The following KCND2 variants were observed in gnomAD, a reference collection of about 807,000 sequenced individuals.
The protein encoded by KCND2 is potassium voltage-gated channel subfamily D member 2.
KCND2 carries 16 observed loss-of-function variants against 54.4 expected under a neutral mutation model. The ratio of observed to expected loss-of-function variants is 0.29; its 90% CI spans 0.20 to 0.45. KCND2 has a LOEUF of 0.45. Among genes scored for constraint, KCND2 ranks in the 20% least tolerant of loss-of-function variants. The pLI is 1.00. For synonymous variants in KCND2, 317 were observed against 310.7 expected, an observed-to-expected ratio of 1.02 and a Z score of -0.21; for missense variants, 486 against 824.2, an observed-to-expected ratio of 0.59 and a Z score of 5.02.
At chr7:120,594,840 T>C (rs2116462699) in intron 1 of KCND2, among the ~76,000 whole-genome samples, 1 of 152,068 alleles carries the variant, frequency 6.6e-6, no homozygotes, top group Admixed American at 6.5e-5. Flanking sequence ...ACCAACATGG[T>C]GAAACCCCGT....
intron 1 of KCND2, among the ~76,000 whole-genome samples, chr7:120,604,504 AAATAACAATAATAATAATAATAAT>A (rs1178871249): frequency 3.9e-4 from 32 of 82,692 alleles, no homozygotes; most frequent in African/African-American, 1.3e-3. Flanking sequence ...CTCCATCTAA[AAATAACAATAATAATAATAATAAT>A]AATAATAATA....
Position 120,409,394 on chromosome 7 carries a change from C to A in KCND2, c.1115+133647C>A, listed in dbSNP as rs561520329. Among the ~76,000 whole-genome samples the A allele has an allele frequency of 1.7e-3, 253 of 151,970 alleles. 1 individual carries two copies. The highest frequency in any genetic ancestry group is 5.5e-3 in the African/African-American group (228 of 41,504). Reference sequence around the variant, plus strand: ...TGATAAACATTTTTGTAGACATATTCATATTTTTCTTCATAAAATATCTGT... The same window carrying A: ...TGATAAACATTTTTGTAGACATATTAATATTTTTCTTCATAAAATATCTGT... On this transcript the variant is annotated intron_variant, in intron 1 of 5. Coordinates refer to ENST00000331113, the MANE Select transcript of KCND2 (RefSeq NM_012281.3).
intron 1 of KCND2, among the ~76,000 whole-genome samples, chr7:120,648,508 G>GGA (rs1347496569): frequency 6.6e-6 from 1 of 152,096 alleles, no homozygotes; most frequent in Non-Finnish European, 1.5e-5. Flanking sequence ...TCAACAAGAT[G>GGA]GAGAAAGATG....
intron 1 of KCND2, among the ~76,000 whole-genome samples, chr7:120,412,459 C>T (rs1801465253): frequency 6.6e-6 from 1 of 152,016 alleles, no homozygotes; most frequent in Non-Finnish European, 1.5e-5. Flanking sequence ...CAATACTTTA[C>T]TTTTGTATTT....
intron 1 of KCND2, among the ~76,000 whole-genome samples, chr7:120,564,479 A>T (rs985768840): frequency 3.9e-5 from 6 of 152,188 alleles, no homozygotes; most frequent in African/African-American, 1.4e-4. Context: ...CCCAGCAAAT[A>T]TATAAATACA....
chr7:120,584,063 C>T (rs1299171125), intron 1 of KCND2, among the ~76,000 whole-genome samples: 1 of 152,178 alleles, frequency 6.6e-6, no homozygotes, highest in Non-Finnish European at 1.5e-5. Flanking sequence ...TTAATCATAT[C>T]AGTTTTTATT....
chr7:120,534,068 A>T (rs1260737856), intron 1 of KCND2, among the ~76,000 whole-genome samples: 1 of 152,148 alleles, frequency 6.6e-6, no homozygotes, highest in African/African-American at 2.4e-5. Context: ...GTACAAATCT[A>T]CACAGGGCAT....
At chr7:120,348,205 A>G (rs890579692) in intron 1 of KCND2, among the ~76,000 whole-genome samples, 5 of 152,148 alleles carry the variant, frequency 3.3e-5, no homozygotes, top group Non-Finnish European at 5.9e-5. Flanking sequence ...AATATCATAG[A>G]TAAATCTCTT....
At chr7:120,298,863 A>T (rs1016276820) in intron 1 of KCND2, among the ~76,000 whole-genome samples, 1 of 152,188 alleles carries the variant, frequency 6.6e-6, no homozygotes, top group Non-Finnish European at 1.5e-5. Flanking sequence ...TAAGTAAAGA[A>T]ATTGAGAATG....
chr7:120,722,333 C>T (rs1792677913), intron 1 of KCND2, among the ~76,000 whole-genome samples: 1 of 152,124 alleles, frequency 6.6e-6, no homozygotes, highest in Non-Finnish European at 1.5e-5. Flanking sequence ...ATAGAACTGC[C>T]ATCAGATCAT....
At chr7:120,566,531 C>A (rs1253072735) in intron 1 of KCND2, among the ~76,000 whole-genome samples, 1 of 151,924 alleles carries the variant, frequency 6.6e-6, no homozygotes, top group African/African-American at 2.4e-5. Flanking sequence ...TTTATGGACA[C>A]AACAGGGTCT....
At chr7:120,486,704 T>G (rs1802699429) in intron 1 of KCND2, among the ~76,000 whole-genome samples, 1 of 151,744 alleles carries the variant, frequency 6.6e-6, no homozygotes, top group Admixed American at 6.6e-5. Context: ...TTTTTTTTCC[T>G]AGTTTGAATA....
At position 120,331,186 on chromosome 7, in the gene KCND2, C is replaced by T. The variant is rs1003223214; in HGVS notation, c.1115+55439C>T. Among the ~76,000 whole-genome samples, 14 of 152,132 alleles carry T rather than the reference C, an allele frequency of 9.2e-5. No individual in the cohort carries two copies. In the East Asian group the frequency reaches 1.5e-3, roughly 17 times the overall value. ...TTGTATTTTAACCATATGTTCCATTCCTTTTTCACTCTCATAATTAGAAAG... is the reference window on the plus strand; with the variant it reads ...TTGTATTTTAACCATATGTTCCATTTCTTTTTCACTCTCATAATTAGAAAG... On this transcript the variant is annotated intron_variant, in intron 1 of 5. Coordinates refer to ENST00000331113, the MANE Select transcript of KCND2 (RefSeq NM_012281.3).
At chr7:120,489,678 T>A (rs896051822) in intron 1 of KCND2, among the ~76,000 whole-genome samples, 1 of 152,152 alleles carries the variant, frequency 6.6e-6, no homozygotes, top group Admixed American at 6.6e-5. Flanking sequence ...TCACGTCCTA[T>A]CAAAAGCAGT....
At chr7:120,728,147 A>G (rs562776321) in intron 1 of KCND2, among the ~76,000 whole-genome samples, 1 of 150,690 alleles carries the variant, frequency 6.6e-6, no homozygotes, top group East Asian at 1.9e-4. Flanking sequence ...AAAAAAAAAA[A>G]AGAAAGAAAG....
intron 1 of KCND2, among the ~76,000 whole-genome samples, chr7:120,279,839 A>G (rs1321987417): frequency 2.6e-5 from 4 of 151,926 alleles, no homozygotes; most frequent in African/African-American, 7.2e-5. Flanking sequence ...ACATTATGTT[A>G]TAATTATATA....
At chr7:120,350,140 GT>G (rs1800381762) in intron 1 of KCND2, among the ~76,000 whole-genome samples, 1 of 152,030 alleles carries the variant, frequency 6.6e-6, no homozygotes, top group Non-Finnish European at 1.5e-5. Context: ...AATCATTCAA[GT>G]TTTTATCTGC....
rs542683527 is a variant in KCND2 at position 120,573,272 on chromosome 7, A to G, written c.1116-159631A>G. 3.9e-5 allele frequency among the ~76,000 whole-genome samples: 6 copies of G among 152,300 alleles called. 1 individual carries two copies. The South Asian group carries it at 1.2e-3, about 32-fold the overall frequency. The stretch of plus-strand genomic sequence containing the variant: ...TTTTCTTTTTTGTGTTTTATATTAT[A>G]CATTACCACAGACATTAACAATCAG... On this transcript the variant is annotated intron_variant, in intron 1 of 5. Coordinates refer to ENST00000331113, the MANE Select transcript of KCND2 (RefSeq NM_012281.3).
chr7:120,504,168 A>T (rs115763146), intron 1 of KCND2, among the ~76,000 whole-genome samples: 1 of 151,998 alleles, frequency 6.6e-6, no homozygotes, highest in Non-Finnish European at 1.5e-5. Context: ...GTACAAAAAC[A>T]TAATTTTGGC....
Sources: allele counts gnomAD v4.1 joint callset (sites outside exome capture counted in the v4.1 genomes callset), GRCh38; gene constraint gnomAD v4.1.1; transcripts MANE v1.5; gene names NCBI Gene and HGNC (gene_info 2026-07-23, HGNC 2026-07-21).